Variants in FBXO11 observed in about 807,000 individuals in gnomAD.
FBXO11 encodes F-box only protein 11.
A neutral mutation model predicts 117.0 loss-of-function variants in FBXO11; 13 were observed. That is an observed-to-expected ratio of 0.11 (90% CI 0.07 to 0.18). FBXO11 has a LOEUF of 0.18. Ranked by LOEUF, FBXO11 falls within the 10% of genes least tolerant of loss-of-function variation. The probability of loss-of-function intolerance (pLI) is 1.00; values close to 1 mark genes in which losing one functional copy is unlikely to be tolerated. For missense variants in FBXO11, 767 were observed against 1,164.4 expected (o/e 0.66, Z 4.97); for synonymous variants, 490 against 380.5 (o/e 1.29, Z -3.35).
At chr2:47,822,133 G>C in intron 13 of FBXO11, 85 bp downstream of exon 13, 1 of 894,202 alleles carries the variant, frequency 1.1e-6, no homozygotes, top group Non-Finnish European at 1.8e-6. Context: ...TTCCACTTGG[G>C]TAGTTTCAAA....
At chr2:47,828,475 G>C (rs1334551404) in intron 11 of FBXO11, among the ~76,000 whole-genome samples, 2 of 152,106 alleles carry the variant, frequency 1.3e-5, no homozygotes, top group Non-Finnish European at 2.9e-5. Flanking sequence ...GTGCGTGCTG[G>C]CAGGCATCTG....
chr2:47,842,051 T>G (rs894499412), intron 1 of FBXO11, among the ~76,000 whole-genome samples: 7 of 149,032 alleles, frequency 4.7e-5, no homozygotes, highest in Non-Finnish European at 7.4e-5. Context: ...AGTCTCGCCC[T>G]GTTGCCCAGG....
At chr2:47,889,567 T>A (rs982654841) in intron 1 of FBXO11, among the ~76,000 whole-genome samples, 5 of 151,862 alleles carry the variant, frequency 3.3e-5, no homozygotes, top group East Asian at 1.9e-4. Context: ...CCTACATTTT[T>A]AAAAAAATGG....
chr2:47,867,622 T>C (rs574580494), intron 1 of FBXO11, among the ~76,000 whole-genome samples: 3 of 152,352 alleles, frequency 2.0e-5, no homozygotes, highest in East Asian at 1.9e-4. Flanking sequence ...TTAATTCTAA[T>C]GGCCATTTGA....
At chr2:47,888,239 T>C (rs537459739) in intron 1 of FBXO11, among the ~76,000 whole-genome samples, 5 of 152,206 alleles carry the variant, frequency 3.3e-5, no homozygotes, top group Admixed American at 2.0e-4. Flanking sequence ...AGAATGATGA[T>C]ACAATTTTGG....
At chr2:47,819,529 T>G (rs945601066) in intron 14 of FBXO11, among the ~76,000 whole-genome samples, 2 of 152,142 alleles carry the variant, frequency 1.3e-5, no homozygotes, top group African/African-American at 4.8e-5. Flanking sequence ...TCTTTTTATG[T>G]AGCCTCTACC....
chr2:47,900,274 T>C (rs1407262663), intron 1 of FBXO11, among the ~76,000 whole-genome samples: 1 of 152,028 alleles, frequency 6.6e-6, no homozygotes, highest in African/African-American at 2.4e-5. Context: ...TGGCACTGTC[T>C]CCTCTCATGG....
chr2:47,828,335 G>C (rs1293009337), intron 11 of FBXO11, among the ~76,000 whole-genome samples: 1 of 152,114 alleles, frequency 6.6e-6, no homozygotes, highest in Non-Finnish European at 1.5e-5. Flanking sequence ...TAAATTTTTT[G>C]AAGTAAAACA....
intron 11 of FBXO11, among the ~76,000 whole-genome samples, chr2:47,827,656 C>G (rs919959086): frequency 4.0e-5 from 6 of 151,534 alleles, no homozygotes; most frequent in Non-Finnish European, 5.9e-5. Flanking sequence ...TAAGCAATAC[C>G]TCTAGTACAA....
At chr2:47,902,031 G>A (rs1031808480) in intron 1 of FBXO11, among the ~76,000 whole-genome samples, 2 of 152,210 alleles carry the variant, frequency 1.3e-5, no homozygotes, top group African/African-American at 4.8e-5. Flanking sequence ...AGCCTCCCGC[G>A]TTCAAGCGAT....
intron 1 of FBXO11, among the ~76,000 whole-genome samples, chr2:47,900,609 C>CACGTATATACACACGTATACACACGT (rs1678059958): frequency 1.1e-5 from 1 of 91,114 alleles, no homozygotes. Context: ...CACGTATACA[C>CACGTATATACACACGTATACACACGT]ACGTATATAC....
At chr2:47,905,418 G>T (rs1447458315) in intron 1 of FBXO11, 71 bp downstream of exon 1, 24 of 1,088,702 alleles carry the variant, frequency 2.2e-5, no homozygotes, top group Non-Finnish European at 2.6e-5. Context: ...CCGCCCGCCC[G>T]CCCGCCCGCC....
chr2:47,896,387 T>G (rs1677668466), intron 1 of FBXO11, among the ~76,000 whole-genome samples: 1 of 151,924 alleles, frequency 6.6e-6, no homozygotes, highest in Middle Eastern at 3.4e-3. Context: ...TGGAGTGCAG[T>G]GGCTCAATCA....
chr2:47,889,871 T>C (rs975388699), intron 1 of FBXO11, among the ~76,000 whole-genome samples: 10 of 152,206 alleles, frequency 6.6e-5, no homozygotes, highest in African/African-American at 2.4e-4. Context: ...TCCAGTACAT[T>C]TGCATACTAA....
At chr2:47,810,825 C>T (rs892456942) in intron 18 of FBXO11, 13 of 155,420 alleles carry the variant, frequency 8.4e-5, no homozygotes, top group Middle Eastern at 3.0e-3. Flanking sequence ...ATTTCTGGCC[C>T]TTATTACTAT....
intron 1 of FBXO11, among the ~76,000 whole-genome samples, chr2:47,895,755 T>C (rs916539887): frequency 6.6e-6 from 1 of 151,926 alleles, no homozygotes; most frequent in Non-Finnish European, 1.5e-5. Flanking sequence ...TGCAGTGGCA[T>C]GATCTGGGCT....
chr2:47,863,388 C>G (rs150295390), intron 1 of FBXO11, among the ~76,000 whole-genome samples: 1 of 152,234 alleles, frequency 6.6e-6, no homozygotes, highest in East Asian at 1.9e-4. Flanking sequence ...TACAAGTGCT[C>G]TTAAACAGCT....
chr2:47,852,136 C>A (rs1322068408), intron 1 of FBXO11, among the ~76,000 whole-genome samples: 1 of 151,962 alleles, frequency 6.6e-6, no homozygotes, highest in Admixed American at 6.6e-5. Flanking sequence ...ATTACAGGCA[C>A]CTGCCACCAC....
intron 11 of FBXO11, among the ~76,000 whole-genome samples, chr2:47,826,152 G>C (rs887073933): frequency 6.6e-6 from 1 of 151,808 alleles, no homozygotes; most frequent in Admixed American, 6.6e-5. Flanking sequence ...TCCATGTCCC[G>C]GGTTCACGCC....
Sources: allele counts gnomAD v4.1 joint callset (sites outside exome capture counted in the v4.1 genomes callset), GRCh38; gene constraint gnomAD v4.1.1; transcripts MANE v1.5; gene names NCBI Gene and HGNC (gene_info 2026-07-23, HGNC 2026-07-21).